Variants in DENND6A observed in about 807,000 individuals in gnomAD.
DENND6A encodes the protein DENN domain containing 6A, also known as protein DENND6A.
A neutral mutation model predicts 95.5 loss-of-function variants in DENND6A; 43 were observed. That is an observed-to-expected ratio of 0.45 (90% CI 0.35 to 0.58). The LOEUF is 0.58. DENND6A is among the 20% of genes least tolerant of loss of function. The pLI is 0.00. For synonymous variants in DENND6A, 257 were observed against 260.4 expected, an observed-to-expected ratio of 0.99 and a Z score of 0.13; for missense variants, 574 against 736.0, an observed-to-expected ratio of 0.78 and a Z score of 2.55.
intron 12 of DENND6A, among the ~76,000 whole-genome samples, chr3:57,636,516 G>T (rs559181994): frequency 1.3e-5 from 2 of 152,188 alleles, no homozygotes; most frequent in African/African-American, 4.8e-5. Context: ...AATATGGAGG[G>T]AAAGGTGCTG....
chr3:57,659,629 A>G (rs2071387568), intron 7 of DENND6A, among the ~76,000 whole-genome samples: 1 of 152,216 alleles, frequency 6.6e-6, no homozygotes, highest in South Asian at 2.1e-4. Flanking sequence ...AGATCCTACA[A>G]AAATGGCCAA....
chr3:57,631,716 C>CTTTTT (rs1156532234), intron 15 of DENND6A, among the ~76,000 whole-genome samples: 58 of 92,000 alleles, frequency 6.3e-4, no homozygotes, highest in Admixed American at 1.0e-3. Flanking sequence ...TCTCTGCTCT[C>CTTTTT]TTTTTTTTTT....
intron 1 of DENND6A, among the ~76,000 whole-genome samples, chr3:57,686,759 C>T (rs571879088): frequency 3.9e-4 from 60 of 152,128 alleles, no homozygotes; most frequent in Non-Finnish European, 7.3e-4. Flanking sequence ...GCTCCACTGA[C>T]GAGCCATTAC....
intron 9 of DENND6A, among the ~76,000 whole-genome samples, chr3:57,647,684 G>A (rs539810892): frequency 1.3e-5 from 2 of 152,242 alleles, no homozygotes; most frequent in African/African-American, 4.8e-5. Context: ...TATCTCCATG[G>A]AGAAGTACCC....
chr3:57,645,871 T>A, intron 10 of DENND6A, 115 bp from the exon 11 acceptor site: 2 of 688,374 alleles, frequency 2.9e-6, no homozygotes, highest in Non-Finnish European at 2.4e-6. Context: ...TTGTTTATTT[T>A]AATAAATGGT....
At chr3:57,678,738 A>G (rs1169012671) in intron 1 of DENND6A, among the ~76,000 whole-genome samples, 1 of 152,252 alleles carries the variant, frequency 6.6e-6, no homozygotes, top group Non-Finnish European at 1.5e-5. Context: ...GACCCTCACC[A>G]GGAACAAAAT....
chr3:57,664,589 G>C (rs990280051), intron 4 of DENND6A, among the ~76,000 whole-genome samples: 5 of 152,070 alleles, frequency 3.3e-5, no homozygotes, highest in Admixed American at 3.3e-4. Flanking sequence ...AATCCCAGCA[G>C]TTTGGGAGGC....
intron 1 of DENND6A, among the ~76,000 whole-genome samples, chr3:57,688,999 C>T (rs546347176): frequency 1.3e-5 from 2 of 151,890 alleles, no homozygotes; most frequent in Middle Eastern, 3.4e-3. Context: ...CTTGCTGTGT[C>T]GCCAGGCTGG....
chr3:57,654,173 T>A (rs940172141), intron 9 of DENND6A, among the ~76,000 whole-genome samples: 1 of 151,478 alleles, frequency 6.6e-6, no homozygotes, highest in African/African-American at 2.4e-5. Flanking sequence ...GCCAGGATGG[T>A]CTCGATCTCC....
At chr3:57,631,860 T>C (rs1270189334) in intron 15 of DENND6A, among the ~76,000 whole-genome samples, 1 of 147,992 alleles carries the variant, frequency 6.8e-6, no homozygotes, top group Non-Finnish European at 1.5e-5. Context: ...GTAGCTGGGA[T>C]TACAGGCGCC....
intron 1 of DENND6A, among the ~76,000 whole-genome samples, chr3:57,686,419 C>A (rs2077212262): frequency 1.3e-5 from 2 of 152,174 alleles, no homozygotes; most frequent in Non-Finnish European, 2.9e-5. Flanking sequence ...ATTCTTCCTT[C>A]TCCTTTTATT....
intron 3 of DENND6A, among the ~76,000 whole-genome samples, chr3:57,669,165 C>A (rs2071573015): frequency 6.6e-6 from 1 of 152,048 alleles, no homozygotes; most frequent in Non-Finnish European, 1.5e-5. Context: ...AGCAACTGCA[C>A]CCGGCCTCCA....
chr3:57,690,994 T>G (rs2077259446), intron 1 of DENND6A, among the ~76,000 whole-genome samples: 1 of 152,238 alleles, frequency 6.6e-6, no homozygotes, highest in Non-Finnish European at 1.5e-5. Flanking sequence ...TACAGTGGCA[T>G]ACACTATGGA....
chr3:57,666,006 T>C, intron 4 of DENND6A, 117 bp downstream of exon 4: 4 of 728,680 alleles, frequency 5.5e-6, no homozygotes, highest in Middle Eastern at 5.0e-4. Flanking sequence ...AATTCAGCTA[T>C]ATAATATAGT....
At chr3:57,635,785 G>T (rs1287567044) in intron 12 of DENND6A, among the ~76,000 whole-genome samples, 1 of 152,114 alleles carries the variant, frequency 6.6e-6, no homozygotes, top group African/African-American at 2.4e-5. Context: ...AAGTACAGTT[G>T]AACATTGAAC....
At chr3:57,655,440 T>A (rs1409904083) in intron 9 of DENND6A, among the ~76,000 whole-genome samples, 1 of 152,210 alleles carries the variant, frequency 6.6e-6, no homozygotes, top group South Asian at 2.1e-4. Context: ...GTGTTAGTGA[T>A]GGGGGTAATT....
intron 7 of DENND6A, 70 bp downstream of exon 7, chr3:57,660,690 A>C: frequency 7.2e-7 from 1 of 1,382,736 alleles, no homozygotes; most frequent in Non-Finnish European, 9.8e-7. Flanking sequence ...CCTGGGTGAC[A>C]GCACAAGACC....
chr3:57,646,143 C>T lies in DENND6A; in HGVS notation c.941+173G>A, dbSNP rs569194014. On this transcript the variant is annotated intron_variant, in intron 10 of 19. Transcript: ENST00000311128. Reference sequence around the variant, plus strand: ...AGGGAGCCTGAATCAATTTTCTCATCCATAAAATGGTGCTATAATAAGCAT... The same window carrying T: ...AGGGAGCCTGAATCAATTTTCTCATTCATAAAATGGTGCTATAATAAGCAT... 3.3e-4 allele frequency among the ~76,000 whole-genome samples: 50 copies of T among 152,332 alleles called. 1 individual carries two copies. The highest frequency in any genetic ancestry group is 3.1e-4 in the Non-Finnish European group (21 of 68,042).
At chr3:57,671,626 T>C (rs1023080094) in intron 3 of DENND6A, among the ~76,000 whole-genome samples, 2 of 152,100 alleles carry the variant, frequency 1.3e-5, no homozygotes, top group Admixed American at 1.3e-4. Flanking sequence ...CTAAATGTTT[T>C]GGTCACTATA....
Sources: allele counts gnomAD v4.1 joint callset (sites outside exome capture counted in the v4.1 genomes callset), GRCh38; gene constraint gnomAD v4.1.1; transcripts MANE v1.5; gene names NCBI Gene and HGNC (gene_info 2026-07-23, HGNC 2026-07-21).